ZNF503: variants seen among roughly 807,000 people sequenced by gnomAD.
ZNF503 encodes zinc finger protein 503, also known as NocA-like zinc finger 2.
Under a neutral mutation model 34.4 loss-of-function variants are expected in ZNF503, and 15 were observed. That is an observed-to-expected ratio of 0.44 (90% confidence interval 0.29 to 0.67). The LOEUF is 0.67. Among genes scored for constraint, ZNF503 ranks in the 30% least tolerant of loss-of-function variants. The pLI is 0.13. For missense variants in ZNF503, 1,007 were observed against 926.8 expected, an observed-to-expected ratio of 1.09 and a Z score of -1.12; for synonymous variants, 580 against 456.8, an observed-to-expected ratio of 1.27 and a Z score of -3.44.
chr10:75,399,944 G>T lies in ZNF503; in HGVS notation c.746C>A (p.Pro249Gln). Residue 249 changes from proline (P) to glutamine (Q), a missense_variant, in exon 2 of 2, where the codon CCG (proline) becomes CAG (glutamine). By Grantham distance (76) the Pro-to-Gln change is moderately conservative. Coordinates refer to ENST00000372524, the MANE Select transcript of ZNF503 (RefSeq NM_032772.6). ...GTCTTTCTTGTCGTCCTTGCCCTCC[G>T]GGGCACCCCCGGCCGAGGACAGCAT... The part of the protein sequence containing the change: ...GGMLSSAGGA[P>Q]EGKDDKKDTD... 1 of 1,606,374 alleles carries T rather than the reference G, an allele frequency of 6.2e-7. No individual in the cohort carries two copies. The highest frequency in any genetic ancestry group is 2.2e-5 in the East Asian group (1 of 44,808).
the ZNF503 span, among the ~76,000 whole-genome samples, chr10:75,391,589 C>T: frequency 6.6e-6 from 1 of 152,186 alleles, no homozygotes; most frequent in African/African-American, 2.4e-5. Flanking sequence ...ATGGAAGCTC[C>T]CCTGGCCCTG....
At chr10:75,305,320 C>T in the ZNF503 span, among the ~76,000 whole-genome samples, 1 of 152,062 alleles carries the variant, frequency 6.6e-6, no homozygotes, top group Non-Finnish European at 1.5e-5. Context: ...AAGAAGGCCT[C>T]TACTGTATAA....
chr10:75,366,417 T>A, the ZNF503 span, among the ~76,000 whole-genome samples: 1 of 152,206 alleles, frequency 6.6e-6, no homozygotes, highest in African/African-American at 2.4e-5. Context: ...GGTTCCCACG[T>A]CCCGAGCAAT....
the ZNF503 span, among the ~76,000 whole-genome samples, chr10:75,381,548 G>T: frequency 6.6e-6 from 1 of 152,132 alleles, no homozygotes; most frequent in East Asian, 1.9e-4. Flanking sequence ...AAGGGAAGGG[G>T]TACACTTTTC....
chr10:75,336,032 C>G, the ZNF503 span, among the ~76,000 whole-genome samples: 4 of 152,204 alleles, frequency 2.6e-5, no homozygotes, highest in African/African-American at 9.6e-5. Flanking sequence ...TAGCTAGTTT[C>G]CAATCATAAG....
chr10:75,376,993 T>A, the ZNF503 span, among the ~76,000 whole-genome samples: 27 of 152,252 alleles, frequency 1.8e-4, no homozygotes, highest in South Asian at 6.2e-4. Context: ...CCAAACTATA[T>A]CAGGTGTTCT....
chr10:75,309,930 G>A, the ZNF503 span, among the ~76,000 whole-genome samples: 1 of 152,072 alleles, frequency 6.6e-6, no homozygotes, highest in Non-Finnish European at 1.5e-5. Context: ...GTTAGGTAAG[G>A]TACTGGTTAT....
the ZNF503 span, among the ~76,000 whole-genome samples, chr10:75,291,353 T>C: frequency 6.6e-6 from 1 of 152,232 alleles, no homozygotes; most frequent in Non-Finnish European, 1.5e-5. Flanking sequence ...GGCTCAAGCC[T>C]GTAATTCCAG....
At position 75,401,158 on chromosome 10, in the gene ZNF503, A is replaced by C. The variant is rs955064711; in HGVS notation, c.262T>G (p.Leu88Val). Reference protein sequence around the residue: ...KMLTARTGHILHPEYLQPLPS... With the variant: ...KMLTARTGHIVHPEYLQPLPS... ...AGGGGCTGCAGGTACTCGGGGTGCA[A>C]AATGTGGCCAGTTCGTGCCGTCAGC... Residue 88 changes from leucine (L) to valine (V), a missense_variant, in exon 1 of 2, where the codon TTG (leucine) becomes GTG (valine). Coordinates refer to ENST00000372524, the MANE Select transcript of ZNF503 (RefSeq NM_032772.6). The C allele has an allele frequency of 1.9e-6, 3 of 1,611,770 alleles. No homozygotes were observed. The Admixed American group carries it at 5.0e-5, about 27-fold the overall frequency.
the ZNF503 span, among the ~76,000 whole-genome samples, chr10:75,321,339 C>T: frequency 6.6e-6 from 1 of 152,138 alleles, no homozygotes; most frequent in East Asian, 1.9e-4. Context: ...TGAGAATGGA[C>T]TAATACGGAA....
rs1053315270 is a variant in ZNF503, at chr10:75,400,484, T to C, written c.316-110A>G. The C allele has an allele frequency of 4.4e-5, 63 of 1,443,780 alleles. 1 individual carries two copies. Among genetic ancestry groups the C allele is most frequent in the Non-Finnish European group, 5.5e-5 (61 of 1,103,596 alleles). The allele number at this position is 1,443,780 out of a possible 1,614,324, so 89.4% of individuals were successfully genotyped here. On this transcript the variant is annotated intron_variant, in intron 1 of 1. Coordinates refer to ENST00000372524, the MANE Select transcript of ZNF503 (RefSeq NM_032772.6). ...GCCTCTCCGCAACAGCCCACGAAGA[T>C]CCTCCCAGCCCCAAGGCGCAATTCT...
chr10:75,401,536 G>T lies in ZNF503; in HGVS notation c.-117C>A. 7.9e-7 allele frequency: 1 copy of T among 1,258,968 alleles called. No homozygotes were observed. Among genetic ancestry groups the T allele is most frequent in the Non-Finnish European group, 1.1e-6 (1 of 925,564 alleles). The allele number at this position is 1,258,968 out of a possible 1,614,324, so 78.0% of individuals were successfully genotyped here. Reference sequence around the variant, plus strand: ...CAGCGGGAGGAGGAGGAGCTGGCGCGGCGGCCACGGGCGCCCAGCGCGCCT... The same window carrying T: ...CAGCGGGAGGAGGAGGAGCTGGCGCTGCGGCCACGGGCGCCCAGCGCGCCT... On this transcript the variant is annotated 5_prime_UTR_variant, in exon 1 of 2. Coordinates refer to ENST00000372524, the MANE Select transcript of ZNF503 (RefSeq NM_032772.6).
At chr10:75,320,181 T>C in the ZNF503 span, among the ~76,000 whole-genome samples, 16 of 152,246 alleles carry the variant, frequency 1.1e-4, no homozygotes, top group South Asian at 1.0e-3. Flanking sequence ...AAATAAACTT[T>C]TAAAAATTAG....
the ZNF503 span, among the ~76,000 whole-genome samples, chr10:75,285,686 G>A: frequency 6.6e-6 from 1 of 152,218 alleles, no homozygotes; most frequent in Admixed American, 6.5e-5. Flanking sequence ...AATGGCAAAT[G>A]CTACAAGTCA....
the ZNF503 span, among the ~76,000 whole-genome samples, chr10:75,324,796 T>A: frequency 6.6e-6 from 1 of 152,228 alleles, no homozygotes; most frequent in Non-Finnish European, 1.5e-5. Context: ...TTTATTCCCA[T>A]GCTTATTTGC....
the ZNF503 span, among the ~76,000 whole-genome samples, chr10:75,372,688 G>A: frequency 6.6e-6 from 1 of 152,158 alleles, no homozygotes; most frequent in African/African-American, 2.4e-5. Context: ...TGTTTTCAGA[G>A]TTGACTGCAA....
chr10:75,357,363 A>AAG, the ZNF503 span, among the ~76,000 whole-genome samples: 4 of 151,366 alleles, frequency 2.6e-5, no homozygotes, highest in Non-Finnish European at 4.4e-5. Context: ...ACAAAAAAAA[A>AAG]AAAAATTAGC....
downstream of ZNF503, among the ~76,000 whole-genome samples, chr10:75,393,909 T>TA (rs1232171958): frequency 6.6e-6 from 1 of 151,910 alleles, no homozygotes; most frequent in Non-Finnish European, 1.5e-5. Context: ...AAATCCCCAT[T>TA]AAAAAATAAA....
At chr10:75,312,331 A>C in the ZNF503 span, among the ~76,000 whole-genome samples, 5 of 152,268 alleles carry the variant, frequency 3.3e-5, no homozygotes, top group Admixed American at 2.6e-4. Context: ...TAAAATAAAA[A>C]GTCAAGTGGA....
Sources: gnomAD v4.1 joint callset for allele counts (sites outside exome capture counted in the v4.1 genomes callset) on GRCh38, gnomAD v4.1.1 for gene constraint, MANE v1.5 for transcripts, NCBI Gene and HGNC (gene_info 2026-07-23, HGNC 2026-07-21) for gene names.